OSBPL6: variants seen among roughly 807,000 people sequenced by gnomAD.
OSBPL6 encodes the protein oxysterol-binding protein-related protein 6.
Under a neutral mutation model 125.8 loss-of-function variants are expected in OSBPL6, and 49 were observed. The ratio of observed to expected loss-of-function variants is 0.39; its 90% CI spans 0.31 to 0.49. The LOEUF is 0.49. Among genes scored for constraint, OSBPL6 ranks in the 20% least tolerant of loss-of-function variants. The probability of loss-of-function intolerance (pLI) is 0.88; values close to 1 mark genes in which losing one functional copy is unlikely to be tolerated. For missense variants in OSBPL6, 986 were observed against 1,135.4 expected (o/e 0.87, Z 1.89); for synonymous variants, 394 against 391.8 (o/e 1.01, Z -0.07).
intron 2 of OSBPL6, among the ~76,000 whole-genome samples, chr2:178,292,350 T>C (rs911130739): frequency 3.3e-5 from 5 of 152,210 alleles, no homozygotes; most frequent in African/African-American, 1.2e-4. Flanking sequence ...AAATGATTAA[T>C]GACAGGAACT....
chr2:178,202,031 G>A (rs948314850), intron 1 of OSBPL6, among the ~76,000 whole-genome samples: 2 of 152,136 alleles, frequency 1.3e-5, no homozygotes, highest in Non-Finnish European at 2.9e-5. Flanking sequence ...TACAGTGAGT[G>A]CTTATAGTAT....
chr2:178,338,896 C>T (rs1689944607), intron 9 of OSBPL6, 95 bp from the exon 10 acceptor site: 2 of 774,548 alleles, frequency 2.6e-6, no homozygotes, highest in Admixed American at 2.4e-5. Context: ...GATCTGCCTA[C>T]TTATATTTGC....
chr2:178,250,276 G>C lies in OSBPL6; in HGVS notation c.-350-34651G>C, dbSNP rs994560863. 2.0e-5 allele frequency among the ~76,000 whole-genome samples: 3 copies of C among 151,994 alleles called. No homozygotes were observed. The East Asian group carries it at 5.8e-4, about 29-fold the overall frequency. On this transcript the variant is annotated intron_variant, in intron 1 of 24. Transcript: ENST00000190611. ...CTCCAGAAAATTAGGAGATATTTTT[G>C]GTACCTCCTTCTCTCTCATTTGCCA...
chr2:178,288,887 T>A (rs1684964556), intron 2 of OSBPL6, among the ~76,000 whole-genome samples: 1 of 151,592 alleles, frequency 6.6e-6, no homozygotes, highest in South Asian at 2.1e-4. Context: ...TGACCTCAAG[T>A]GATCCACCCG....
chr2:178,387,664 G>A (rs1695058085), intron 20 of OSBPL6, among the ~76,000 whole-genome samples: 1 of 152,176 alleles, frequency 6.6e-6, no homozygotes, highest in Non-Finnish European at 1.5e-5. Context: ...ATGGAAGAAG[G>A]TGAAGAGAGG....
chr2:178,278,041 T>C (rs2092505443), intron 1 of OSBPL6, among the ~76,000 whole-genome samples: 2 of 152,200 alleles, frequency 1.3e-5, no homozygotes, highest in Admixed American at 1.3e-4. Flanking sequence ...TCCCCTAAGC[T>C]CTGAGCTCTG....
chr2:178,244,292 A>G (rs1448045447), intron 1 of OSBPL6, among the ~76,000 whole-genome samples: 1 of 152,142 alleles, frequency 6.6e-6, no homozygotes, highest in Non-Finnish European at 1.5e-5. Context: ...TAGAACTACT[A>G]TAACTTAGGT....
At chr2:178,276,629 T>C (rs781658589) in intron 1 of OSBPL6, among the ~76,000 whole-genome samples, 35 of 152,158 alleles carry the variant, frequency 2.3e-4, no homozygotes, top group Non-Finnish European at 1.9e-4. Context: ...CACGTCGGCC[T>C]CCCAAAGTGC....
chr2:178,359,068 C>G (rs192736459), intron 12 of OSBPL6, among the ~76,000 whole-genome samples: 2 of 152,042 alleles, frequency 1.3e-5, no homozygotes, highest in East Asian at 1.9e-4. Context: ...CCTAGCTACT[C>G]GAGAGGCTGA....
At chr2:178,291,792 G>GCCATCCAGCCAT (rs1685300141) in intron 2 of OSBPL6, among the ~76,000 whole-genome samples, 1 of 116,640 alleles carries the variant, frequency 8.6e-6, no homozygotes, top group Non-Finnish European at 1.9e-5. Context: ...CTTCCTGCCT[G>GCCATCCAGCCAT]CCATCCATCC....
At chr2:178,332,242 G>C (rs898178373) in intron 6 of OSBPL6, among the ~76,000 whole-genome samples, 6 of 152,148 alleles carry the variant, frequency 3.9e-5, no homozygotes, top group African/African-American at 1.4e-4. Context: ...CAGCTGCCCT[G>C]TTCTGCCCCA....
At position 178,396,442 on chromosome 2, in the gene OSBPL6, C is replaced by G. The variant is rs1695850207; in HGVS notation, c.*883C>G. On this transcript the variant is annotated 3_prime_UTR_variant, in exon 25 of 25. Coordinates refer to ENST00000190611, the MANE Select transcript of OSBPL6 (RefSeq NM_032523.4). ...AGTGTGCCCTATTATTTGGAAAAAT[C>G]TGTCTTTGATTTGGACATTTGGTCA... The G allele has an allele frequency of 6.6e-6, 1 of 152,184 alleles. No homozygotes were observed. The highest frequency in any genetic ancestry group is 1.5e-5 in the Non-Finnish European group (1 of 68,048). 9.4% of individuals were successfully genotyped at this position (152,184 alleles called of 1,614,324 possible). A position where few individuals can be genotyped will look rare whatever the true frequency, so the allele number is the denominator to read the frequency against.
intron 1 of OSBPL6, among the ~76,000 whole-genome samples, chr2:178,242,926 T>C (rs1312547980): frequency 6.6e-6 from 1 of 151,924 alleles, no homozygotes; most frequent in Non-Finnish European, 1.5e-5. Flanking sequence ...CCTTAGAAAA[T>C]GCAGCCATAT....
At chr2:178,281,399 T>A (rs186102267) in intron 1 of OSBPL6, among the ~76,000 whole-genome samples, 7 of 152,328 alleles carry the variant, frequency 4.6e-5, no homozygotes, top group Middle Eastern at 3.4e-3. Flanking sequence ...TTTTATAGTT[T>A]TAGGTTTTAC....
At chr2:178,242,947 T>C (rs1436731762) in intron 1 of OSBPL6, among the ~76,000 whole-genome samples, 1 of 151,962 alleles carries the variant, frequency 6.6e-6, no homozygotes, top group East Asian at 1.9e-4. Flanking sequence ...TTTTTTCTTA[T>C]GTAAAGTTTA....
intron 9 of OSBPL6, among the ~76,000 whole-genome samples, chr2:178,338,537 A>G (rs531819562): frequency 2.9e-4 from 44 of 152,308 alleles, no homozygotes; most frequent in Non-Finnish European, 4.7e-4. Context: ...ATTACAGAAA[A>G]TATGTTTAAC....
intron 1 of OSBPL6, among the ~76,000 whole-genome samples, chr2:178,281,556 G>A (rs968236924): frequency 1.3e-5 from 2 of 152,064 alleles, no homozygotes; most frequent in Non-Finnish European, 2.9e-5. Flanking sequence ...TTTTTGTCAC[G>A]TTTGTCAGAG....
chr2:178,324,064 C>A (rs1157071921), intron 3 of OSBPL6, 113 bp from the exon 4 acceptor site: 1 of 611,514 alleles, frequency 1.6e-6, no homozygotes, highest in East Asian at 3.1e-5. Flanking sequence ...AGGAACTTGC[C>A]ATTTTTAACA....
intron 1 of OSBPL6, among the ~76,000 whole-genome samples, chr2:178,204,024 T>A (rs974212432): frequency 6.8e-6 from 1 of 147,532 alleles, no homozygotes; most frequent in Non-Finnish European, 1.5e-5. Flanking sequence ...TTTTTCTTTT[T>A]CTTTTTTTTT....
Sources: allele counts gnomAD v4.1 joint callset (sites outside exome capture counted in the v4.1 genomes callset), GRCh38; gene constraint gnomAD v4.1.1; transcripts MANE v1.5; gene names NCBI Gene and HGNC (gene_info 2026-07-23, HGNC 2026-07-21).